COL23A1: variants seen among roughly 807,000 people sequenced by gnomAD.
The protein encoded by COL23A1 is collagen type XXIII alpha 1 chain.
Under a neutral mutation model 99.3 loss-of-function variants are expected in COL23A1, and 97 were observed. That is an observed-to-expected ratio of 0.98 (90% CI 0.83 to 1.16). The LOEUF (loss-of-function observed/expected upper bound fraction) is 1.16. COL23A1 is among the 50% of genes most tolerant of loss of function. COL23A1 has a pLI of 0.00. For missense variants in COL23A1, 762 were observed against 757.4 expected (o/e 1.01, Z -0.07); for synonymous variants, 320 against 308.2 (o/e 1.04, Z -0.40).
intron 1 of COL23A1, among the ~76,000 whole-genome samples, chr5:178,575,846 C>T (rs942590165): frequency 4.6e-5 from 7 of 152,254 alleles, no homozygotes; most frequent in African/African-American, 1.7e-4. Flanking sequence ...TCACTTGCTC[C>T]GAGTTTTGCC....
At position 178,313,902 on chromosome 5, in the gene COL23A1, C is replaced by G. The variant is rs1349719314; in HGVS notation, c.362-6983G>C. Reference sequence around the variant, plus strand: ...TTCCGAGACCAGATCATTAAAACATCTCCCCAGACCATTTCATTTGTTTTA... The same window carrying G: ...TTCCGAGACCAGATCATTAAAACATGTCCCCAGACCATTTCATTTGTTTTA... On this transcript the variant is annotated intron_variant, in intron 2 of 28. Transcript: ENST00000390654. This position sits in a 1 kb window ranked among gnomAD's most constrained non-coding sequence, Gnocchi z 4.2. 6.6e-6 allele frequency among the ~76,000 whole-genome samples: 1 copy of G among 152,186 alleles called. No individual in the cohort carries two copies. The highest frequency in any genetic ancestry group is 1.5e-5 in the Non-Finnish European group (1 of 68,038).
intron 2 of COL23A1, among the ~76,000 whole-genome samples, chr5:178,450,511 C>G (rs940078014): frequency 6.6e-6 from 1 of 152,176 alleles, no homozygotes; most frequent in African/African-American, 2.4e-5. Context: ...AGCTACAGAA[C>G]AGTAGTAAGC....
Position 178,345,692 on chromosome 5 carries a change from A to AT in COL23A1, c.362-38774dup, listed in dbSNP as rs760731290. On this transcript the variant is annotated intron_variant, in intron 2 of 28. Coordinates refer to ENST00000390654, the MANE Select transcript of COL23A1 (RefSeq NM_173465.4). The stretch of plus-strand genomic sequence containing the variant: ...CCACCACGCCCGGCTAATTTTTTGT[A>AT]TTTTTTTTTTTTTCAGTAGAGACAG... 4.1e-3 allele frequency among the ~76,000 whole-genome samples: 544 copies of AT among 133,546 alleles called. 2 individuals are homozygous for AT. Among genetic ancestry groups the AT allele is most frequent in the East Asian group, 0.023 (106 of 4,668 alleles). 87.6% of individuals were successfully genotyped at this position (133,546 alleles called of 152,430 possible). A position where few individuals can be genotyped will look rare whatever the true frequency, so the allele number is the denominator to read the frequency against.
In COL23A1 at chr5:178,406,590, T is replaced by G. The variant is rs560154872; in HGVS notation, c.362-99671A>C. Among the ~76,000 whole-genome samples the G allele has an allele frequency of 1.5e-4, 23 of 152,228 alleles. 2 individuals are homozygous for G. The South Asian group carries it at 4.8e-3, about 32-fold the overall frequency. ...GATTACAGGCACGCGCCACCATGCC[T>G]GACTAATTTTTGTATTTTTAGTAGA... On this transcript the variant is annotated intron_variant, in intron 2 of 28. Coordinates refer to ENST00000390654, the MANE Select transcript of COL23A1 (RefSeq NM_173465.4).
chr5:178,456,916 C>T (rs938858365), intron 2 of COL23A1, among the ~76,000 whole-genome samples: 8 of 152,274 alleles, frequency 5.3e-5, no homozygotes, highest in Non-Finnish European at 4.4e-5. Flanking sequence ...GAACTATAAC[C>T]GTCCAACAAG....
rs1490410306 is a variant in COL23A1 at position 178,384,295 on chromosome 5, G to A, written c.362-77376C>T. 2.6e-5 allele frequency among the ~76,000 whole-genome samples: 4 copies of A among 152,360 alleles called. No individual in the cohort carries two copies. Among genetic ancestry groups the A allele is most frequent in the African/African-American group, 9.6e-5 (4 of 41,594 alleles). On this transcript the variant is annotated intron_variant, in intron 2 of 28. Coordinates refer to ENST00000390654, the MANE Select transcript of COL23A1 (RefSeq NM_173465.4). The surrounding 1 kb of genome is among the most constrained non-coding windows in gnomAD (Gnocchi z 5.5). The stretch of plus-strand genomic sequence containing the variant: ...GCAGTTCTCAAAACCTGGATCCGGC[G>A]ACGGAGGCCCGGCCTGGCCACTGCC...
intron 13 of COL23A1, among the ~76,000 whole-genome samples, 183 bp downstream of exon 13, chr5:178,257,340 C>G (rs537732100): frequency 6.6e-6 from 1 of 152,086 alleles, no homozygotes; most frequent in Non-Finnish European, 1.5e-5. Context: ...GCACATGGCC[C>G]GGGTGAGACG....
chr5:178,345,049 T>G, intron 2 of COL23A1: 1 of 584,314 alleles, frequency 1.7e-6, no homozygotes, highest in Non-Finnish European at 3.3e-6. Context: ...TCCAGAGTCA[T>G]TTGGAATCTT....
intron 2 of COL23A1, among the ~76,000 whole-genome samples, chr5:178,312,235 G>A (rs1421580983): frequency 6.6e-6 from 1 of 152,192 alleles, no homozygotes; most frequent in East Asian, 1.9e-4. Context: ...ACCTCTGGAT[G>A]AGAATGCAGA....
intron 3 of COL23A1, among the ~76,000 whole-genome samples, chr5:178,291,091 C>A (rs551240382): frequency 1.3e-5 from 2 of 152,178 alleles, no homozygotes; most frequent in African/African-American, 2.4e-5. Context: ...GGGGCCACAT[C>A]GTTGATTATG....
In COL23A1 at chr5:178,296,737, G is replaced by A. The variant is rs761967337; in HGVS notation, c.407-6368C>T. On this transcript the variant is annotated intron_variant, in intron 3 of 28. Coordinates refer to ENST00000390654, the MANE Select transcript of COL23A1 (RefSeq NM_173465.4). Reference sequence around the variant, plus strand: ...ATCCATGGTCTCCAGAGGGGTGGCAGAGTGGGAATGGCAGCGTTCCGGAGA... The same window carrying A: ...ATCCATGGTCTCCAGAGGGGTGGCAAAGTGGGAATGGCAGCGTTCCGGAGA... 6.6e-5 allele frequency among the ~76,000 whole-genome samples: 10 copies of A among 152,100 alleles called. No individual in the cohort carries two copies. The South Asian group carries it at 1.4e-3, about 22-fold the overall frequency.
At chr5:178,577,738 A>C (rs2113699427) in intron 1 of COL23A1, among the ~76,000 whole-genome samples, 1 of 152,350 alleles carries the variant, frequency 6.6e-6, no homozygotes, top group African/African-American at 2.4e-5. Context: ...CCTCACCAAG[A>C]CCAGCGAGGC....
Position 178,399,859 on chromosome 5 carries a change from T to C in COL23A1, c.362-92940A>G, listed in dbSNP as rs189448878. ...GTACTGACATGATTGTTCTCTCAGT[T>C]AGAATAACGACGGCCGCATGGTTCT... On this transcript the variant is annotated intron_variant, in intron 2 of 28. Transcript: ENST00000390654. Among the ~76,000 whole-genome samples the C allele has an allele frequency of 2.3e-3, 355 of 152,258 alleles. 1 individual carries two copies. The highest frequency in any genetic ancestry group is 8.1e-3 in the African/African-American group (336 of 41,550).
chr5:178,463,086 C>A (rs1176445000), intron 2 of COL23A1, among the ~76,000 whole-genome samples: 2 of 152,256 alleles, frequency 1.3e-5, no homozygotes, highest in Non-Finnish European at 2.9e-5. Context: ...CCTCACCGCG[C>A]AGCGACACAA....
At chr5:178,539,525 G>A (rs1412633945) in intron 2 of COL23A1, among the ~76,000 whole-genome samples, 4 of 121,356 alleles carry the variant, frequency 3.3e-5, no homozygotes, top group African/African-American at 1.2e-4. Context: ...CGGCCTGGGT[G>A]ACAGAGCAAG....
intron 19 of COL23A1, 49 bp from the exon 20 acceptor site, chr5:178,248,303 C>A: frequency 6.9e-7 from 1 of 1,443,642 alleles, no homozygotes; most frequent in Non-Finnish European, 9.7e-7. Context: ...GCACCTGTAT[C>A]ACCACCCACG....
At chr5:178,276,320 C>T (rs369735533) in intron 5 of COL23A1, among the ~76,000 whole-genome samples, 19 of 152,332 alleles carry the variant, frequency 1.2e-4, no homozygotes, top group South Asian at 4.1e-4. Context: ...ACGCTCAAAT[C>T]GGCCAGAGCT....
In COL23A1 at chr5:178,488,507, T is replaced by C. The variant is rs565461509; in HGVS notation, c.361+72175A>G. On this transcript the variant is annotated intron_variant, in intron 2 of 28. Transcript: ENST00000390654. ...TTCCTTTCCCTCACCGCCACCGCCA[T>C]CAGACGCCAATTATATTCAATGTTT... 6.8e-4 allele frequency among the ~76,000 whole-genome samples: 104 copies of C among 152,270 alleles called. 1 individual carries two copies. The highest frequency in any genetic ancestry group is 2.3e-3 in the African/African-American group (97 of 41,544).
At chr5:178,506,421 G>A (rs1413646029) in intron 2 of COL23A1, among the ~76,000 whole-genome samples, 1 of 152,136 alleles carries the variant, frequency 6.6e-6, no homozygotes, top group East Asian at 1.9e-4. Flanking sequence ...GCTGGCTTCA[G>A]GGGCAGCAGA....
Sources: gnomAD v4.1 joint callset for allele counts (sites outside exome capture counted in the v4.1 genomes callset) on GRCh38, gnomAD v4.1.1 for gene constraint, Gnocchi (gnomAD v3.1) non-coding constraint, MANE v1.5 for transcripts, NCBI Gene and HGNC (gene_info 2026-07-23, HGNC 2026-07-21) for gene names.